The following AKAP9 variants were observed in gnomAD, a reference collection of about 807,000 sequenced individuals.
AKAP9 encodes A-kinase anchor protein 9.
Under a neutral mutation model 488.5 loss-of-function variants are expected in AKAP9, and 311 were observed. The ratio of observed to expected loss-of-function variants is 0.64; its 90% CI spans 0.58 to 0.70. The LOEUF (loss-of-function observed/expected upper bound fraction) is 0.70, where lower values mean the gene tolerates loss of function less well. AKAP9 is among the 30% of genes least tolerant of loss of function. The pLI is 0.00. For missense variants in AKAP9, 4,215 were observed against 4,374.5 expected, an observed-to-expected ratio of 0.96 and a Z score of 1.03; for synonymous variants, 1,462 against 1,483.5, an observed-to-expected ratio of 0.99 and a Z score of 0.33.
At position 92,108,680 on chromosome 7, in the gene AKAP9, C is replaced by G. The variant is rs750889667; in HGVS notation, c.11686+47C>G. On this transcript the variant is annotated intron_variant, in intron 49 of 49. Coordinates refer to ENST00000356239, the MANE Select transcript of AKAP9 (RefSeq NM_005751.5). ...CTTGGCAGCACCACAGTGCGAGACCCACAGCTCCCCTTTCTTTGAAATTCT... is the reference window on the plus strand; with the variant it reads ...CTTGGCAGCACCACAGTGCGAGACCGACAGCTCCCCTTTCTTTGAAATTCT... The G allele has an allele frequency of 3.0e-5, 49 of 1,609,792 alleles. 3 individuals are homozygous for G. The East Asian group carries it at 5.3e-4, about 18-fold the overall frequency.
intron 1 of AKAP9, among the ~76,000 whole-genome samples, chr7:91,941,976 A>G (rs1204744023): frequency 1.3e-5 from 2 of 152,002 alleles, no homozygotes; most frequent in African/African-American, 4.8e-5. Flanking sequence ...GGCATCGTTC[A>G]TTGGGCTTCA....
Position 92,031,534 on chromosome 7 carries a change from A to G in AKAP9, c.4268A>G (p.Lys1423Arg). The stretch of plus-strand genomic sequence containing the variant: ...TAGTTTTCTGGTGAATTTGGAGTGA[A>G]AGAGGAAACAAATATCGTTAAGTTG... ...TIEFSGEFGV[K>R]EETNIVKLLE... Residue 1423 changes from lysine to arginine, a missense_variant, in exon 16 of 50, where the codon AAA (lysine) becomes AGA (arginine). Lys to Arg is a conservative substitution (Grantham distance 26, BLOSUM62 2). Around this residue, in one of 5 missense-constraint regions of AKAP9, gnomAD observed 2,361 missense variants for 2,430.0 expected, o/e 0.97. Coordinates refer to ENST00000356239, the MANE Select transcript of AKAP9 (RefSeq NM_005751.5). 6.2e-7 allele frequency: 1 copy of G among 1,612,334 alleles called. No homozygotes were observed. The highest frequency in any genetic ancestry group is 8.5e-7 in the Non-Finnish European group (1 of 1,178,766).
chr7:91,972,957 A>T (rs183750640), intron 1 of AKAP9, among the ~76,000 whole-genome samples: 11 of 152,336 alleles, frequency 7.2e-5, no homozygotes, highest in Non-Finnish European at 1.2e-4. Context: ...TATATAGCTA[A>T]ATCTTTTTGC....
At chr7:91,997,045 A>G (rs1156979664) in intron 7 of AKAP9, among the ~76,000 whole-genome samples, 1 of 152,226 alleles carries the variant, frequency 6.6e-6, no homozygotes, top group East Asian at 1.9e-4. Flanking sequence ...TTTCAAATCT[A>G]AGTTGTCTGA....
intron 8 of AKAP9, among the ~76,000 whole-genome samples, chr7:92,009,489 C>T (rs1183359716): frequency 6.6e-6 from 1 of 152,158 alleles, no homozygotes; most frequent in Non-Finnish European, 1.5e-5. Context: ...TCCCTCTCTC[C>T]TCTCCTCCAA....
intron 3 of AKAP9, among the ~76,000 whole-genome samples, chr7:91,991,437 C>T (rs1797738241): frequency 6.6e-6 from 1 of 152,048 alleles, no homozygotes; most frequent in African/African-American, 2.4e-5. Context: ...CCTCAGCCTC[C>T]CTTGTAGCTG....
intron 6 of AKAP9, 132 bp downstream of exon 6, chr7:91,994,908 A>G: frequency 1.3e-6 from 1 of 741,080 alleles, no homozygotes; most frequent in South Asian, 1.9e-5. Flanking sequence ...ATTAGTGAAT[A>G]TGTGTTGCTA....
At chr7:92,060,038 A>G (rs1402796347) in intron 22 of AKAP9, among the ~76,000 whole-genome samples, 1 of 151,988 alleles carries the variant, frequency 6.6e-6, no homozygotes, top group African/African-American at 2.4e-5. Context: ...CTATTAAAAC[A>G]AGAATAATTG....
chr7:92,094,818 C>T (rs1027324068), intron 39 of AKAP9, among the ~76,000 whole-genome samples: 17 of 152,164 alleles, frequency 1.1e-4, no homozygotes, highest in South Asian at 2.1e-4. Flanking sequence ...GGCGACAGAG[C>T]GAGACTCCGT....
intron 2 of AKAP9, among the ~76,000 whole-genome samples, chr7:91,976,550 CT>C (rs1323823887): frequency 6.6e-6 from 1 of 152,084 alleles, no homozygotes; most frequent in Non-Finnish European, 1.5e-5. Flanking sequence ...TTGTTAAATG[CT>C]TTTTTTGTGT....
rs1292866741 is a variant in AKAP9, at chr7:92,084,914, A to G, written c.8806A>G (p.Thr2936Ala). 2.5e-6 allele frequency: 4 copies of G among 1,613,322 alleles called. No individual in the cohort carries two copies. The highest frequency in any genetic ancestry group is 3.4e-6 in the Non-Finnish European group (4 of 1,179,620). Residue 2936 changes from threonine (T) to alanine (A), a missense_variant, in exon 35 of 50, where the codon ACA becomes GCA. Thr to Ala is a moderately conservative substitution (Grantham distance 58). Around this residue, in one of 5 missense-constraint regions of AKAP9, gnomAD observed 1,476 missense variants for 1,477.4 expected, o/e 1.00. Coordinates refer to ENST00000356239, the MANE Select transcript of AKAP9 (RefSeq NM_005751.5). ...CCGAGGAGAAGAAAGTGAAAGTGCA[A>G]CAGATTCCTTTCCAAAGAAAATAAA... ...EGRGEESESA[T>A]DSFPKKIKGL...
chr7:92,110,196 AG>A lies in AKAP9; in HGVS notation c.*38del. 2 of 1,523,884 alleles carry A rather than the reference AG, an allele frequency of 1.3e-6. No homozygotes were observed. The highest frequency in any genetic ancestry group is 1.4e-5 in the African/African-American group (1 of 73,572). 94.4% of individuals were successfully genotyped at this position (1,523,884 alleles called of 1,614,324 possible). A position where few individuals can be genotyped will look rare whatever the true frequency, so the allele number is the denominator to read the frequency against. ...ATCATTAATTGAAGTGATTTTAAAT[AG>A]ATTTCCTTTTGTAAATCAATGGTTC... On this transcript the variant is annotated 3_prime_UTR_variant, in exon 50 of 50. Transcript: ENST00000356239.
chr7:92,031,646 T>C (rs753325979), intron 16 of AKAP9, 42 bp downstream of exon 16: 1 of 1,415,712 alleles, frequency 7.1e-7, no homozygotes, highest in Non-Finnish European at 1.0e-6. Context: ...TGGTTTATAT[T>C]CCCTTTGAGC....
chr7:92,041,040 C>T, intron 18 of AKAP9, 142 bp downstream of exon 18: 1 of 671,072 alleles, frequency 1.5e-6, no homozygotes, highest in Non-Finnish European at 2.6e-6. Flanking sequence ...GAATAAACTA[C>T]ATATATTTAG....
In AKAP9 at chr7:92,038,607, A is replaced by G. The variant is rs771933416; in HGVS notation, c.4527A>G (p.Lys1509=). The G allele has an allele frequency of 1.2e-6, 2 of 1,613,884 alleles. No individual in the cohort carries two copies. The highest frequency in any genetic ancestry group is 1.7e-6 in the Non-Finnish European group (2 of 1,179,894). ...GFQTFETVDV[K]FKEEFKPLSK... ...AGACTTTTGAGACAGTGGATGTGAAATTTAAAGAAGAATTTAAACCACTTA... is the reference window on the plus strand; with the variant it reads ...AGACTTTTGAGACAGTGGATGTGAAGTTTAAAGAAGAATTTAAACCACTTA... The change falls in exon 17 of 50, where the codon AAA becomes AAG. Residue 1509 remains lysine, a synonymous_variant. Coordinates refer to ENST00000356239, the MANE Select transcript of AKAP9 (RefSeq NM_005751.5).
chr7:92,082,994 C>T (rs1270389081), intron 32 of AKAP9, among the ~76,000 whole-genome samples, 176 bp from the exon 33 acceptor site: 3 of 152,094 alleles, frequency 2.0e-5, no homozygotes, highest in Non-Finnish European at 4.4e-5. Context: ...TATGACCATA[C>T]GTACATACAA....
chr7:92,023,962 A>G (rs1026014448), intron 14 of AKAP9, among the ~76,000 whole-genome samples: 21 of 152,122 alleles, frequency 1.4e-4, no homozygotes, highest in Admixed American at 2.6e-4. Flanking sequence ...CTCAAGTGTC[A>G]TGTTCTCGTG....
intron 8 of AKAP9, among the ~76,000 whole-genome samples, chr7:92,008,146 G>A (rs1414714421): frequency 1.3e-5 from 2 of 152,020 alleles, no homozygotes; most frequent in Non-Finnish European, 2.9e-5. Flanking sequence ...GAGGTGGACA[G>A]ATCACAAGGT....
intron 24 of AKAP9, among the ~76,000 whole-genome samples, chr7:92,064,817 TA>T (rs1156535575): frequency 6.6e-6 from 1 of 152,172 alleles, no homozygotes; most frequent in African/African-American, 2.4e-5. Context: ...TGTATGCAAA[TA>T]AAATTGACTT....
Sources: gnomAD v4.1 joint callset for allele counts (sites outside exome capture counted in the v4.1 genomes callset) on GRCh38, gnomAD v4.1.1 for gene constraint, gnomAD v4.1.1 regional missense constraint, MANE v1.5 for transcripts, NCBI Gene and HGNC (gene_info 2026-07-23, HGNC 2026-07-21) for gene names.